LRRC8C: variants seen among roughly 807,000 people sequenced by gnomAD.
LRRC8C encodes the protein volume-regulated anion channel subunit LRRC8C.
Under a neutral mutation model 55.3 loss-of-function variants are expected in LRRC8C, and 20 were observed. The observed-to-expected ratio is 0.36, with a 90% confidence interval of 0.25 to 0.53. LRRC8C has a LOEUF of 0.53. LRRC8C is among the 20% of genes least tolerant of loss of function. The pLI, the probability that LRRC8C is intolerant of heterozygous loss-of-function variation, is 0.92. For synonymous variants in LRRC8C, 376 were observed against 360.7 expected (o/e 1.04, Z -0.48); for missense variants, 659 against 951.4 (o/e 0.69, Z 4.04).
At chr1:89,655,686 GA>G (rs202054421) in intron 1 of LRRC8C, among the ~76,000 whole-genome samples, 376 of 152,342 alleles carry the variant, frequency 2.5e-3, no homozygotes, top group African/African-American at 8.6e-3. Flanking sequence ...GCAAGAGCCA[GA>G]GGGGGCAAAT....
chr1:89,650,043 A>C (rs1656718053), intron 1 of LRRC8C, among the ~76,000 whole-genome samples: 2 of 152,216 alleles, frequency 1.3e-5, no homozygotes, highest in Non-Finnish European at 2.9e-5. Flanking sequence ...ACTGACCAAA[A>C]ATATAGAACA....
intron 2 of LRRC8C, among the ~76,000 whole-genome samples, chr1:89,693,376 A>G (rs185403123): frequency 5.7e-4 from 87 of 152,344 alleles, no homozygotes; most frequent in African/African-American, 1.9e-3. Context: ...TATAGATTCC[A>G]GAATGATATC....
intron 1 of LRRC8C, among the ~76,000 whole-genome samples, chr1:89,683,574 T>C (rs570937261): frequency 6.6e-5 from 10 of 152,198 alleles, no homozygotes; most frequent in Admixed American, 6.5e-4. Flanking sequence ...GCCAGGATGG[T>C]CTTGATCTCC....
At chr1:89,675,066 T>G (rs1657515630) in intron 1 of LRRC8C, among the ~76,000 whole-genome samples, 1 of 152,212 alleles carries the variant, frequency 6.6e-6, no homozygotes, top group South Asian at 2.1e-4. Flanking sequence ...GGTTGACAGT[T>G]TGTATAAGTA....
At position 89,717,593 on chromosome 1, in the gene LRRC8C, G is replaced by A. The variant is rs1024851055; in HGVS notation, c.*2611G>A. 2.6e-5 allele frequency: 4 copies of A among 152,028 alleles called. No individual in the cohort carries two copies. The highest frequency in any genetic ancestry group is 9.7e-5 in the African/African-American group (4 of 41,400). The allele number at this position is 152,028 out of a possible 1,614,324, so 9.4% of individuals were successfully genotyped here. A position where few individuals can be genotyped will look rare whatever the true frequency, so the allele number is the denominator to read the frequency against. ...TATTAGATTTTATAAACCTTCAAAA[G>A]TCTGAAACTTAATTTTGAGTCTAAA... On this transcript the variant is annotated 3_prime_UTR_variant, in exon 3 of 3. Coordinates refer to ENST00000370454, the MANE Select transcript of LRRC8C (RefSeq NM_032270.5).
Position 89,714,401 on chromosome 1 carries a change from C to A in LRRC8C, c.1831C>A (p.Leu611Ile). 6.2e-7 allele frequency: 1 copy of A among 1,614,064 alleles called. No homozygotes were observed. The highest frequency in any genetic ancestry group is 2.2e-5 in the East Asian group (1 of 44,874). The change falls in exon 3 of 3, where the codon CTA becomes ATA. Residue 611 changes from leucine to isoleucine, a missense_variant. Transcript: ENST00000370454. This position sits in a 1 kb window ranked among gnomAD's most constrained non-coding sequence, Gnocchi z 4.6. ...GCGTATTCCTCATGCTGTGTTCAGC[C>A]TACTCAGCCTCCAGGAATTGGACCT... ...LERIPHAVFS[L>I]LSLQELDLKE...
At chr1:89,687,498 G>A (rs913063533) in intron 2 of LRRC8C, among the ~76,000 whole-genome samples, 10 of 152,178 alleles carry the variant, frequency 6.6e-5, no homozygotes, top group African/African-American at 1.2e-4. Context: ...TATAAGAGCT[G>A]AAGCCATGCT....
At position 89,714,248 on chromosome 1, in the gene LRRC8C, G is replaced by A. The variant is rs745656198; in HGVS notation, c.1678G>A (p.Val560Met). Residue 560 changes from valine (V) to methionine (M), a missense_variant, in exon 3 of 3, where the codon GTG becomes ATG. Transcript: ENST00000370454. The surrounding 1 kb of genome is among the most constrained non-coding windows in gnomAD (Gnocchi z 4.6). ...KSNVSKIPQAVVDVSSHLQKM... is the reference protein window; with the variant it reads ...KSNVSKIPQAMVDVSSHLQKM... The stretch of plus-strand genomic sequence containing the variant: ...CAACGTTTCCAAAATCCCTCAGGCA[G>A]TGGTTGATGTTTCCAGCCATCTCCA... The A allele has an allele frequency of 1.2e-6, 2 of 1,614,106 alleles. No homozygotes were observed. Among genetic ancestry groups the A allele is most frequent in the African/African-American group, 1.3e-5 (1 of 75,028 alleles).
intron 1 of LRRC8C, among the ~76,000 whole-genome samples, chr1:89,685,004 G>A (rs911054141): frequency 5.3e-5 from 8 of 151,814 alleles, no homozygotes; most frequent in African/African-American, 1.7e-4. Flanking sequence ...AAGTCACAAT[G>A]CAGCAAGACG....
At chr1:89,684,621 G>A (rs1467710448) in intron 1 of LRRC8C, among the ~76,000 whole-genome samples, 2 of 152,184 alleles carry the variant, frequency 1.3e-5, no homozygotes, top group Non-Finnish European at 2.9e-5. Context: ...ATTTGGGGCA[G>A]TGGGACTGTA....
intron 2 of LRRC8C, among the ~76,000 whole-genome samples, chr1:89,710,012 A>G (rs1658605062): frequency 6.6e-6 from 1 of 152,050 alleles, no homozygotes. Context: ...TGGCCTCCCA[A>G]AATGCTGGGA....
chr1:89,679,113 A>T lies in LRRC8C; in HGVS notation c.-4-7357A>T, dbSNP rs1282767551. On this transcript the variant is annotated intron_variant, in intron 1 of 2. Coordinates refer to ENST00000370454, the MANE Select transcript of LRRC8C (RefSeq NM_032270.5). ...AGAGGACCTAAGAGTAAGCATTGGGATGTTCCAAACAAGGGGGTCGGGGAG... is the reference window on the plus strand; with the variant it reads ...AGAGGACCTAAGAGTAAGCATTGGGTTGTTCCAAACAAGGGGGTCGGGGAG... Among the ~76,000 whole-genome samples the T allele has an allele frequency of 4.6e-5, 7 of 152,292 alleles. 1 individual carries two copies. The South Asian group carries it at 1.5e-3, about 32-fold the overall frequency.
chr1:89,713,822 C>T lies in LRRC8C; in HGVS notation c.1252C>T (p.Leu418=), dbSNP rs755253718. 48 of 1,614,068 alleles carry T rather than the reference C, an allele frequency of 3.0e-5. No individual in the cohort carries two copies. Among genetic ancestry groups the T allele is most frequent in the Non-Finnish European group, 3.9e-5 (46 of 1,180,034 alleles). ...EWTPDKLRQK[L]QTNAHNRLEL... is the part of the protein sequence containing the mutation. ...GACTCCTGATAAACTGAGGCAGAAG[C>T]TACAGACAAATGCCCATAATCGACT... Residue 418 remains leucine, a synonymous_variant, in exon 3 of 3, where the codon CTA becomes TTA. Transcript: ENST00000370454. This position sits in a 1 kb window ranked among gnomAD's most constrained non-coding sequence, Gnocchi z 5.2.
intron 2 of LRRC8C, among the ~76,000 whole-genome samples, chr1:89,686,909 G>A (rs1444505669): frequency 6.6e-6 from 1 of 152,184 alleles, no homozygotes; most frequent in Non-Finnish European, 1.5e-5. Context: ...TGGCTTCACA[G>A]TGAAATGTAA....
At chr1:89,692,282 A>G (rs1018553383) in intron 2 of LRRC8C, among the ~76,000 whole-genome samples, 1 of 152,242 alleles carries the variant, frequency 6.6e-6, no homozygotes, top group Non-Finnish European at 1.5e-5. Context: ...GTTAACTCCT[A>G]TATTGGAATA....
At chr1:89,681,552 A>G (rs1463455982) in intron 1 of LRRC8C, among the ~76,000 whole-genome samples, 2 of 152,218 alleles carry the variant, frequency 1.3e-5, no homozygotes, top group Non-Finnish European at 2.9e-5. Context: ...ACAGTTCCAC[A>G]TGGCCTCACA....
At chr1:89,658,203 A>G (rs1657005284) in intron 1 of LRRC8C, among the ~76,000 whole-genome samples, 1 of 152,176 alleles carries the variant, frequency 6.6e-6, no homozygotes. Flanking sequence ...GACTTTGCTT[A>G]GAATTTTTAT....
intron 2 of LRRC8C, among the ~76,000 whole-genome samples, chr1:89,691,665 G>T (rs1658030895): frequency 1.3e-5 from 2 of 152,170 alleles, no homozygotes; most frequent in Non-Finnish European, 2.9e-5. Context: ...TAGAAGGTTA[G>T]ATAACTTGCC....
intron 1 of LRRC8C, among the ~76,000 whole-genome samples, chr1:89,638,830 A>T (rs1343568121): frequency 2.6e-5 from 4 of 152,022 alleles, no homozygotes; most frequent in Admixed American, 1.3e-4. Context: ...TCAGACATTC[A>T]ACATCCTTTA....
Sources: gnomAD v4.1 joint callset for allele counts (sites outside exome capture counted in the v4.1 genomes callset) on GRCh38, gnomAD v4.1.1 for gene constraint, Gnocchi (gnomAD v3.1) non-coding constraint, MANE v1.5 for transcripts, NCBI Gene and HGNC (gene_info 2026-07-23, HGNC 2026-07-21) for gene names.